The following STXBP6 variants were observed in gnomAD, a reference collection of about 807,000 sequenced individuals.
STXBP6 encodes syntaxin binding protein 6, also known as syntaxin-binding protein 6.
In STXBP6, 21 loss-of-function variants were observed where a neutral mutation model predicts 26.9. The ratio of observed to expected loss-of-function variants is 0.78; its 90% CI spans 0.55 to 1.12. The LOEUF (loss-of-function observed/expected upper bound fraction) is 1.12. Ranked by LOEUF, STXBP6 falls within the 50% of genes most tolerant of loss-of-function variation. The probability of loss-of-function intolerance (pLI) is 0.00; values close to 1 mark genes in which losing one functional copy is unlikely to be tolerated. For missense variants in STXBP6, 232 were observed against 257.9 expected, an observed-to-expected ratio of 0.90 and a Z score of 0.69; for synonymous variants, 97 against 92.6, an observed-to-expected ratio of 1.05 and a Z score of -0.27.
At chr14:24,904,913 G>C (rs557558078) in intron 2 of STXBP6, among the ~76,000 whole-genome samples, 59 of 152,300 alleles carry the variant, frequency 3.9e-4, no homozygotes, top group Non-Finnish European at 6.8e-4. Flanking sequence ...GATTTGATTA[G>C]AAAATTACCA....
intron 1 of STXBP6, among the ~76,000 whole-genome samples, chr14:24,990,526 T>G (rs1274748824): frequency 6.6e-6 from 1 of 151,658 alleles, no homozygotes; most frequent in African/African-American, 2.4e-5. Flanking sequence ...GGCGTGATGG[T>G]GCAGGCCTGT....
Position 24,811,337 on chromosome 14 carries a change from T to C in STXBP6, c.*1372A>G, listed in dbSNP as rs74037667. ...AATCAGCAAAATGGATAGGATGGAA[T>C]AGATAGGGGTCCTGAAGATTCAGGC... On this transcript the variant is annotated 3_prime_UTR_variant, in exon 6 of 6. Coordinates refer to ENST00000323944, the MANE Select transcript of STXBP6 (RefSeq NM_001394410.1). 1.2e-3 allele frequency: 188 copies of C among 152,282 alleles called. 1 individual carries two copies. The highest frequency in any genetic ancestry group is 4.4e-3 in the African/African-American group (182 of 41,550). 9.4% of individuals were successfully genotyped at this position (152,282 alleles called of 1,614,324 possible).
chr14:24,950,879 C>T (rs2073145917), intron 2 of STXBP6, among the ~76,000 whole-genome samples: 1 of 152,164 alleles, frequency 6.6e-6, no homozygotes, highest in South Asian at 2.1e-4. Flanking sequence ...TCTCCCAATG[C>T]TATCCCTCCC....
chr14:24,834,064 T>C lies in STXBP6; in HGVS notation c.452-14870A>G, dbSNP rs762893203. Among the ~76,000 whole-genome samples, 103 of 152,244 alleles carry C rather than the reference T, an allele frequency of 6.8e-4. 1 individual carries two copies. Among genetic ancestry groups the C allele is most frequent in the Non-Finnish European group, 1.3e-4 (9 of 67,990 alleles). ...AGGCTGGAGTGCAGTGGCACGATCA[T>C]GGCTCACTGCAGCCTTGACCTACTG... is the stretch of plus-strand genomic sequence containing the variant. On this transcript the variant is annotated intron_variant, in intron 4 of 5. Coordinates refer to ENST00000323944, the MANE Select transcript of STXBP6 (RefSeq NM_001394410.1).
intron 1 of STXBP6, among the ~76,000 whole-genome samples, chr14:25,039,185 A>G (rs1195297957): frequency 6.6e-6 from 1 of 152,254 alleles, no homozygotes; most frequent in African/African-American, 2.4e-5. Flanking sequence ...AAAGAAGTCC[A>G]ACATAAAATA....
chr14:24,890,607 A>G (rs2070754255), intron 2 of STXBP6, among the ~76,000 whole-genome samples: 1 of 152,254 alleles, frequency 6.6e-6, no homozygotes, highest in Admixed American at 6.5e-5. Flanking sequence ...GATTAAAAGA[A>G]GATCTTACAA....
Position 24,827,869 on chromosome 14 carries a change from TTTC to T in STXBP6, c.452-8678_452-8676del, listed in dbSNP as rs199503880. On this transcript the variant is annotated intron_variant, in intron 4 of 5. Transcript: ENST00000323944. ...CCAACCTTTATCTACTGCTTCACTG[TTTC>T]TTGACAGATTATAGAAAATCCTTAA... is the stretch of plus-strand genomic sequence containing the variant. Among the ~76,000 whole-genome samples, 847 of 152,282 alleles carry T rather than the reference TTTC, an allele frequency of 5.6e-3. 10 individuals carry two copies. Among genetic ancestry groups the T allele is most frequent in the African/African-American group, 0.018 (735 of 41,556 alleles).
chr14:24,918,172 A>T (rs1461673930), intron 2 of STXBP6, among the ~76,000 whole-genome samples: 1 of 151,982 alleles, frequency 6.6e-6, no homozygotes, highest in African/African-American at 2.4e-5. Context: ...TGATGAAAAA[A>T]GTTAGTGGTA....
chr14:24,915,394 G>GACTATTACTATTACCATTGGCATT (rs1223443280), intron 2 of STXBP6, among the ~76,000 whole-genome samples: 2 of 152,088 alleles, frequency 1.3e-5, no homozygotes, highest in Non-Finnish European at 2.9e-5. Flanking sequence ...TGAAACAATG[G>GACTATTACTATTACCATTGGCATT]ACTATTACTA....
At chr14:24,861,545 G>A (rs974212134) in intron 2 of STXBP6, among the ~76,000 whole-genome samples, 1 of 152,172 alleles carries the variant, frequency 6.6e-6, no homozygotes, top group Non-Finnish European at 1.5e-5. Context: ...ATAATTCTGG[G>A]TGGATTTCGC....
intron 2 of STXBP6, among the ~76,000 whole-genome samples, chr14:24,881,369 G>T (rs1210655852): frequency 6.6e-6 from 1 of 152,136 alleles, no homozygotes; most frequent in Non-Finnish European, 1.5e-5. Context: ...GCAAATCCCT[G>T]TCTAGGGAAT....
chr14:24,961,631 C>T (rs1022856894), intron 2 of STXBP6, among the ~76,000 whole-genome samples: 8 of 151,832 alleles, frequency 5.3e-5, no homozygotes, highest in African/African-American at 9.7e-5. Flanking sequence ...TGACAGATAC[C>T]GGGGACTCTA....
chr14:24,816,622 G>T (rs142658039), intron 5 of STXBP6: 1 of 152,030 alleles, frequency 6.6e-6, no homozygotes, highest in East Asian at 1.9e-4. Context: ...CCGAGTGAAA[G>T]CAGGTAACTG....
At chr14:24,937,304 A>G (rs2072637560) in intron 2 of STXBP6, among the ~76,000 whole-genome samples, 1 of 152,236 alleles carries the variant, frequency 6.6e-6, no homozygotes, top group South Asian at 2.1e-4. Flanking sequence ...AAAAGTAAAG[A>G]GACTACCAAT....
intron 1 of STXBP6, among the ~76,000 whole-genome samples, chr14:24,999,571 G>C (rs540770062): frequency 1.3e-5 from 2 of 152,300 alleles, no homozygotes; most frequent in South Asian, 4.1e-4. Context: ...GACATTAGCA[G>C]ATATGAATAC....
At chr14:24,946,257 A>C (rs2072986949) in intron 2 of STXBP6, among the ~76,000 whole-genome samples, 1 of 152,212 alleles carries the variant, frequency 6.6e-6, no homozygotes, top group South Asian at 2.1e-4. Flanking sequence ...ACTACCCTAC[A>C]AAGTAAATAT....
intron 2 of STXBP6, among the ~76,000 whole-genome samples, chr14:24,897,423 A>AC (rs1275578701): frequency 2.1e-5 from 2 of 96,358 alleles, no homozygotes; most frequent in Non-Finnish European, 4.5e-5. Context: ...AAAAAAAAAA[A>AC]AAAAGGAAAA....
At chr14:24,901,425 A>C (rs1054910897) in intron 2 of STXBP6, among the ~76,000 whole-genome samples, 2 of 152,194 alleles carry the variant, frequency 1.3e-5, no homozygotes, top group African/African-American at 2.4e-5. Context: ...TTTCAAGCAC[A>C]GTGTAAAATA....
rs2068068040 is a variant in STXBP6 at position 24,819,155 on chromosome 14, C to T, written c.491G>A (p.Ser164Asn). Residue 164 changes from serine to asparagine, a missense_variant, in exon 5 of 6, where the codon AGC (serine) becomes AAC (asparagine). Ser to Asn is a conservative substitution (Grantham distance 46). Coordinates refer to ENST00000323944, the MANE Select transcript of STXBP6 (RefSeq NM_001394410.1). ...GGCCTGGCTTGCCTTCTGCACTGCG[C>T]TGGTCACGCTGTCAGCAGCTGAATG... Reference protein sequence around the residue: ...ILHSAADSVTSAVQKASQALN... With the variant: ...ILHSAADSVTNAVQKASQALN... 1 of 1,614,152 alleles carries T rather than the reference C, an allele frequency of 6.2e-7. No individual in the cohort carries two copies. Among genetic ancestry groups the T allele is most frequent in the Non-Finnish European group, 8.5e-7 (1 of 1,180,018 alleles).
Sources: gnomAD v4.1 joint callset for allele counts (sites outside exome capture counted in the v4.1 genomes callset) on GRCh38, gnomAD v4.1.1 for gene constraint, MANE v1.5 for transcripts, NCBI Gene and HGNC (gene_info 2026-07-23, HGNC 2026-07-21) for gene names.